HIPK4: variants seen among roughly 807,000 people sequenced by gnomAD.
HIPK4 encodes homeodomain interacting protein kinase 4.
Under a neutral mutation model 44.8 loss-of-function variants are expected in HIPK4, and 26 were observed. The observed-to-expected ratio is 0.58, with a 90% confidence interval of 0.43 to 0.80. The LOEUF is 0.80. Ranked by LOEUF, HIPK4 falls within the 30% of genes least tolerant of loss-of-function variation. HIPK4 has a pLI of 0.00. For synonymous variants in HIPK4, 340 were observed against 355.5 expected, an observed-to-expected ratio of 0.96 and a Z score of 0.49; for missense variants, 729 against 862.6, an observed-to-expected ratio of 0.85 and a Z score of 1.94.
rs769947019 is a variant in HIPK4, at chr19:40,379,560, C to G, written c.*27G>C. 1.3e-5 allele frequency: 20 copies of G among 1,492,450 alleles called. No individual in the cohort carries two copies. The highest frequency in any genetic ancestry group is 1.6e-5 in the Non-Finnish European group (18 of 1,121,108). The allele number at this position is 1,492,450 out of a possible 1,614,324, so 92.5% of individuals were successfully genotyped here. ...ATGCCAGCCCAGCTAGCGCAGCCCC[C>G]AGTGATGGGCAGGGGTGGAATCACC... is the stretch of plus-strand genomic sequence containing the variant. On this transcript the variant is annotated 3_prime_UTR_variant, in exon 4 of 4. Coordinates refer to ENST00000291823, the MANE Select transcript of HIPK4 (RefSeq NM_144685.5).
rs755420431 is a variant in HIPK4, at chr19:40,384,114, A to C, written c.491T>G (p.Ile164Ser). Residue 164 changes from isoleucine (I) to serine (S), a missense_variant, in exon 2 of 4, where the codon ATT (isoleucine) becomes AGT (serine). By Grantham distance (142) the Ile-to-Ser change is moderately radical. This residue lies in a region of HIPK4 where 196 missense variants were observed against 295.1 expected (regional missense o/e 0.66). Coordinates refer to ENST00000291823, the MANE Select transcript of HIPK4 (RefSeq NM_144685.5). ...CTTCACGTAGCGCACCTCGCTGAAA[A>C]TGCTGGCGGATCCGAAGTCAATCAC... is the stretch of plus-strand genomic sequence containing the variant. ...VKVIDFGSAS[I>S]FSEVRYVKEP... 3.8e-6 allele frequency: 6 copies of C among 1,588,356 alleles called. No individual in the cohort carries two copies. The highest frequency in any genetic ancestry group is 5.2e-6 in the Non-Finnish European group (6 of 1,162,380).
At position 40,380,514 on chromosome 19, in the gene HIPK4, C is replaced by T. The variant is rs2079328614; in HGVS notation, c.1477G>A (p.Ala493Thr). 3 of 1,612,384 alleles carry T rather than the reference C, an allele frequency of 1.9e-6. No individual in the cohort carries two copies. Among genetic ancestry groups the T allele is most frequent in the Non-Finnish European group, 2.5e-6 (3 of 1,179,924 alleles). The change falls in exon 3 of 4, where the codon GCG becomes ACG. Residue 493 changes from alanine to threonine, a missense_variant. Transcript: ENST00000291823. This position sits in a 1 kb window ranked among gnomAD's most constrained non-coding sequence, Gnocchi z 4.2. ...AGRHKARKPP[A>T]GSKSDSNFSN... is the part of the protein sequence containing the mutation. Reference sequence around the variant, plus strand: ...AAGTTGGAGTCGGACTTGGAACCCGCAGGTGGCTTGCGGGCCTTGTGGCGG... The same window carrying T: ...AAGTTGGAGTCGGACTTGGAACCCGTAGGTGGCTTGCGGGCCTTGTGGCGG...
chr19:40,384,128 G>T lies in HIPK4; in HGVS notation c.477C>A (p.Phe159Leu). The T allele has an allele frequency of 1.3e-6, 2 of 1,579,746 alleles. No homozygotes were observed. Among genetic ancestry groups the T allele is most frequent in the Non-Finnish European group, 1.7e-6 (2 of 1,157,558 alleles). The change falls in exon 2 of 4, where the codon TTC (phenylalanine) becomes TTA (leucine). Residue 159 changes from phenylalanine (F) to leucine (L), a missense_variant. Physicochemically the swap from Phe to Leu is conservative, Grantham distance 22. This residue lies in a region of HIPK4 where 196 missense variants were observed against 295.1 expected (regional missense o/e 0.66). Coordinates refer to ENST00000291823, the MANE Select transcript of HIPK4 (RefSeq NM_144685.5). The stretch of plus-strand genomic sequence containing the variant: ...CCTCGCTGAAAATGCTGGCGGATCC[G>T]AAGTCAATCACCTGTCGGGGGTGGG... ...RCPFRVKVID[F>L]GSASIFSEVR... is the part of the protein sequence containing the mutation.
Position 40,389,335 on chromosome 19 carries a change from T to C in HIPK4, c.465+103A>G, listed in dbSNP as rs1355506806. On this transcript the variant is annotated intron_variant, in intron 1 of 3. Coordinates refer to ENST00000291823, the MANE Select transcript of HIPK4 (RefSeq NM_144685.5). This position sits in a 1 kb window ranked among gnomAD's most constrained non-coding sequence, Gnocchi z 4.6. ...TGAAACTCCGTCTCAAAAATAATAATAATAATAATTTTAAAAAATTAAAAA... is the reference window on the plus strand; with the variant it reads ...TGAAACTCCGTCTCAAAAATAATAACAATAATAATTTTAAAAAATTAAAAA... 3.9e-6 allele frequency: 2 copies of C among 510,914 alleles called. No individual in the cohort carries two copies. The highest frequency in any genetic ancestry group is 3.0e-6 in the Non-Finnish European group (1 of 332,276). The allele number at this position is 510,914 out of a possible 1,614,324, so 31.6% of individuals were successfully genotyped here. A position where few individuals can be genotyped will look rare whatever the true frequency, so the allele number is the denominator to read the frequency against.
Position 40,389,961 on chromosome 19 carries a change from C to T in HIPK4, c.-59G>A. ...GCCCCTGTACCACTGGCTCTGCCGC[C>T]CAGGCCTCCCGCCTGGCTGCTGACA... is the stretch of plus-strand genomic sequence containing the variant. On this transcript the variant is annotated 5_prime_UTR_variant, in exon 1 of 4. Coordinates refer to ENST00000291823, the MANE Select transcript of HIPK4 (RefSeq NM_144685.5). The surrounding 1 kb of genome is among the most constrained non-coding windows in gnomAD (Gnocchi z 4.6). 7.3e-7 allele frequency: 1 copy of T among 1,364,910 alleles called. No individual in the cohort carries two copies. The highest frequency in any genetic ancestry group is 1.0e-6 in the Non-Finnish European group (1 of 992,464). 84.5% of individuals were successfully genotyped at this position (1,364,910 alleles called of 1,614,324 possible). A position where few individuals can be genotyped will look rare whatever the true frequency, so the allele number is the denominator to read the frequency against.
intron 2 of HIPK4, among the ~76,000 whole-genome samples, chr19:40,381,931 G>A (rs191794544): frequency 1.3e-5 from 2 of 151,580 alleles, no homozygotes; most frequent in Non-Finnish European, 2.9e-5. Flanking sequence ...TCAGCCTCCT[G>A]AGCAGCTGGA....
At chr19:40,385,484 G>A (rs898032919) in intron 1 of HIPK4, among the ~76,000 whole-genome samples, 12 of 152,028 alleles carry the variant, frequency 7.9e-5, no homozygotes, top group African/African-American at 1.2e-4. Flanking sequence ...TTCCCTGCAT[G>A]AGCACAGGGC....
rs755033986 is a variant in HIPK4 at position 40,379,779 on chromosome 19, AAG to A, written c.1669-12_1669-11del. Reference sequence around the variant, plus strand: ...GCTCAGGGTCTGGCCTCTGTGGGGGAAGAGAGAGGGGCATCAGCCAAGCAGTG... The same window carrying A: ...GCTCAGGGTCTGGCCTCTGTGGGGGAAGAGAGGGGCATCAGCCAAGCAGTG... On this transcript the variant is annotated splice_polypyrimidine_tract_variant and intron_variant, in intron 3 of 3. Transcript: ENST00000291823. The A allele has an allele frequency of 6.2e-7, 1 of 1,604,878 alleles. No individual in the cohort carries two copies. Among genetic ancestry groups the A allele is most frequent in the Non-Finnish European group, 8.5e-7 (1 of 1,177,494 alleles).
intron 1 of HIPK4, among the ~76,000 whole-genome samples, chr19:40,388,345 A>G (rs2079372756): frequency 6.6e-6 from 1 of 152,192 alleles, no homozygotes; most frequent in South Asian, 2.1e-4. Context: ...TGCAGAAAGC[A>G]GTATCATGAA....
At position 40,381,119 on chromosome 19, in the gene HIPK4, A is replaced by G; in HGVS notation, c.872T>C (p.Ile291Thr). ...CACACTGCCACCATTCACTGTCTCA[A>G]TCTGGTCCAACGACTTGAGCATATA... ...RKYMLKSLDQ[I>T]ETVNGGSVAS... Residue 291 changes from isoleucine (I) to threonine (T), a missense_variant, in exon 3 of 4, where the codon ATT becomes ACT. Ile to Thr is a moderately conservative substitution (Grantham distance 89, BLOSUM62 -1). Around this residue, in one of 2 missense-constraint regions of HIPK4, gnomAD observed 533 missense variants for 567.5 expected, o/e 0.94. Coordinates refer to ENST00000291823, the MANE Select transcript of HIPK4 (RefSeq NM_144685.5). 3 of 1,608,608 alleles carry G rather than the reference A, an allele frequency of 1.9e-6. No individual in the cohort carries two copies. The highest frequency in any genetic ancestry group is 1.7e-6 in the Non-Finnish European group (2 of 1,179,826).
chr19:40,383,956 C>A lies in HIPK4; in HGVS notation c.649G>T (p.Gly217Cys). Reference protein sequence around the residue: ...ELHLGWPLYPGNNEYDQVRYI... With the variant: ...ELHLGWPLYPCNNEYDQVRYI... Reference sequence around the variant, plus strand: ...CGCACCTGGTCGTACTCGTTGTTGCCGGGGTAGAGAGGCCAGCCCAGGTGC... The same window carrying A: ...CGCACCTGGTCGTACTCGTTGTTGCAGGGGTAGAGAGGCCAGCCCAGGTGC... Residue 217 changes from glycine (G) to cysteine (C), a missense_variant, in exon 2 of 4, where the codon GGC (glycine) becomes TGC (cysteine). Around this residue, in one of 2 missense-constraint regions of HIPK4, gnomAD observed 533 missense variants for 567.5 expected, o/e 0.94. Coordinates refer to ENST00000291823, the MANE Select transcript of HIPK4 (RefSeq NM_144685.5). 6.2e-7 allele frequency: 1 copy of A among 1,614,148 alleles called. No homozygotes were observed. The highest frequency in any genetic ancestry group is 1.7e-5 in the Admixed American group (1 of 60,008).
intron 2 of HIPK4, 24 bp downstream of exon 2, chr19:40,383,759 G>T: frequency 6.4e-7 from 1 of 1,568,658 alleles, no homozygotes; most frequent in Non-Finnish European, 8.7e-7. Context: ...CACACTGACT[G>T]CCCTCACCCA....
At chr19:40,383,760 C>T in intron 2 of HIPK4, 23 bp downstream of exon 2, 1 of 1,573,946 alleles carries the variant, frequency 6.4e-7, no homozygotes, top group Non-Finnish European at 8.7e-7. Context: ...ACACTGACTG[C>T]CCTCACCCAA....
chr19:40,385,051 AC>A (rs1251088492), intron 1 of HIPK4, among the ~76,000 whole-genome samples: 1 of 151,962 alleles, frequency 6.6e-6, no homozygotes, highest in Non-Finnish European at 1.5e-5. Flanking sequence ...TGCACCCCAC[AC>A]CTTGTCCATC....
rs773534482 is a variant in HIPK4, at chr19:40,380,379, T to A, written c.1612A>T (p.Ile538Phe). The change falls in exon 3 of 4, where the codon ATC becomes TTC. Residue 538 changes from isoleucine (I) to phenylalanine (F), a missense_variant. This residue lies in a region of HIPK4 where 533 missense variants were observed against 567.5 expected (regional missense o/e 0.94). Coordinates refer to ENST00000291823, the MANE Select transcript of HIPK4 (RefSeq NM_144685.5). The surrounding 1 kb of genome is among the most constrained non-coding windows in gnomAD (Gnocchi z 4.2). The part of the protein sequence containing the change: ...HLGASAEPLA[I>F]LQRDEDGPNI... ...GGCCCATCCTCATCTCGCTGCAGGATGGCCAGTGGCTCAGCAGAGGCCCCG... is the reference window on the plus strand; with the variant it reads ...GGCCCATCCTCATCTCGCTGCAGGAAGGCCAGTGGCTCAGCAGAGGCCCCG... The A allele has an allele frequency of 6.2e-7, 1 of 1,614,226 alleles. No homozygotes were observed. Among genetic ancestry groups the A allele is most frequent in the Non-Finnish European group, 8.5e-7 (1 of 1,180,044 alleles).
rs750031687 is a variant in HIPK4, at chr19:40,380,491, G to C, written c.1500C>G (p.Asn500Lys). Residue 500 changes from asparagine to lysine, a missense_variant, in exon 3 of 4, where the codon AAC (asparagine) becomes AAG (lysine). Asn to Lys is a moderately conservative substitution (Grantham distance 94). Around this residue, in one of 2 missense-constraint regions of HIPK4, gnomAD observed 533 missense variants for 567.5 expected, o/e 0.94. Transcript: ENST00000291823. This position sits in a 1 kb window ranked among gnomAD's most constrained non-coding sequence, Gnocchi z 4.2. ...KPPAGSKSDS[N>K]FSNLIRLSQV... ...GGCTCAGCCGAATGAGGTTGCTGAA[G>C]TTGGAGTCGGACTTGGAACCCGCAG... The C allele has an allele frequency of 2.5e-6, 4 of 1,612,206 alleles. No individual in the cohort carries two copies. Among genetic ancestry groups the C allele is most frequent in the Non-Finnish European group, 3.4e-6 (4 of 1,179,994 alleles).
At chr19:40,382,891 C>CA (rs567737095) in intron 2 of HIPK4, among the ~76,000 whole-genome samples, 22 of 150,222 alleles carry the variant, frequency 1.5e-4, no homozygotes, top group Admixed American at 9.9e-4. Flanking sequence ...AGTAAAAATA[C>CA]AAAAAAATTG....
rs577938655 is a variant in HIPK4 at position 40,381,829 on chromosome 19, G to C, written c.823-661C>G. On this transcript the variant is annotated intron_variant, in intron 2 of 3. Transcript: ENST00000291823. Reference sequence around the variant, plus strand: ...TTTTTTTTTGTATGTGTGTGAGACAGAGTTTCACTCTTGTTGCCCAGGCTG... The same window carrying C: ...TTTTTTTTTGTATGTGTGTGAGACACAGTTTCACTCTTGTTGCCCAGGCTG... 4.1e-5 allele frequency among the ~76,000 whole-genome samples: 5 copies of C among 122,590 alleles called. No individual in the cohort carries two copies. The East Asian group carries it at 1.2e-3, about 30-fold the overall frequency. 80.4% of individuals were successfully genotyped at this position (122,590 alleles called of 152,430 possible). A position where few individuals can be genotyped will look rare whatever the true frequency, so the allele number is the denominator to read the frequency against.
intron 1 of HIPK4, among the ~76,000 whole-genome samples, chr19:40,386,785 G>GTGAA (rs1459033644): frequency 6.6e-6 from 1 of 152,208 alleles, no homozygotes; most frequent in Admixed American, 6.5e-5. Context: ...TAAATAATGA[G>GTGAA]TGAATGAATG....
Sources: allele counts gnomAD v4.1 joint callset (sites outside exome capture counted in the v4.1 genomes callset), GRCh38; gene constraint gnomAD v4.1.1; regional missense constraint gnomAD v4.1.1; non-coding constraint Gnocchi (gnomAD v3.1); transcripts MANE v1.5; gene names NCBI Gene and HGNC (gene_info 2026-07-23, HGNC 2026-07-21).